Variants in CPNE3 observed in about 807,000 individuals in gnomAD.
CPNE3 encodes copine 3.
A neutral mutation model predicts 63.9 loss-of-function variants in CPNE3; 68 were observed. That is an observed-to-expected ratio of 1.06 (90% CI 0.87 to 1.30). CPNE3 has a LOEUF of 1.30. Ranked by LOEUF, CPNE3 falls within the 50% of genes most tolerant of loss-of-function variation. CPNE3 has a pLI of 0.00. For synonymous variants in CPNE3, 219 were observed against 197.5 expected, an observed-to-expected ratio of 1.11 and a Z score of -0.91; for missense variants, 665 against 578.1, an observed-to-expected ratio of 1.15 and a Z score of -1.54.
At chr8:86,548,688 C>T (rs1431977866) in intron 12 of CPNE3, among the ~76,000 whole-genome samples, 1 of 152,140 alleles carries the variant, frequency 6.6e-6, no homozygotes, top group East Asian at 1.9e-4. Flanking sequence ...TTGCTACTTA[C>T]TTCCTGACTG....
chr8:86,537,504 A>G (rs1820825323), intron 6 of CPNE3, 59 bp from the exon 7 acceptor site: 1 of 1,031,120 alleles, frequency 9.7e-7, no homozygotes. Context: ...GTATGGTCAC[A>G]CATGGTTTCA....
In CPNE3 at chr8:86,533,330, CTCAGAAGTTTGAGA is replaced by C. The variant is rs1820726036; in HGVS notation, c.459+751_459+764del. Among the ~76,000 whole-genome samples the C allele has an allele frequency of 8.5e-5, 13 of 152,100 alleles. No individual in the cohort carries two copies. The South Asian group carries it at 1.0e-3, about 12-fold the overall frequency. On this transcript the variant is annotated intron_variant, in intron 6 of 16. Transcript: ENST00000517490. ...GGCCGAGGTGGGGAGATCACTTGAG[CTCAGAAGTTTGAGA>C]CCAGCCTGGGCAACATGGCGAAACC...
At chr8:86,530,915 C>T (rs1820666956) in intron 4 of CPNE3, among the ~76,000 whole-genome samples, 1 of 152,048 alleles carries the variant, frequency 6.6e-6, no homozygotes, top group African/African-American at 2.4e-5. Flanking sequence ...TGGTCTTAAA[C>T]TCCTGACCTC....
At chr8:86,527,694 T>C (rs1404102541) in intron 2 of CPNE3, among the ~76,000 whole-genome samples, 1 of 151,984 alleles carries the variant, frequency 6.6e-6, no homozygotes, top group African/African-American at 2.4e-5. Context: ...GCAGCCAATA[T>C]TGAGAACCAC....
At chr8:86,531,438 C>T (rs1236442628) in intron 5 of CPNE3, among the ~76,000 whole-genome samples, 2 of 152,066 alleles carry the variant, frequency 1.3e-5, no homozygotes, top group East Asian at 3.9e-4. Flanking sequence ...TCCCTTCTTT[C>T]AGTTTTTCTA....
chr8:86,553,082 T>C (rs1468375929), intron 14 of CPNE3, among the ~76,000 whole-genome samples: 2 of 150,560 alleles, frequency 1.3e-5, no homozygotes, highest in Non-Finnish European at 3.0e-5. Flanking sequence ...CAGGCTGGTC[T>C]AGAACTGCTG....
chr8:86,517,397 G>A (rs1042949005), intron 2 of CPNE3, among the ~76,000 whole-genome samples: 3 of 152,086 alleles, frequency 2.0e-5, no homozygotes, highest in Non-Finnish European at 2.9e-5. Flanking sequence ...CAACTGTGTG[G>A]TTTTCTGGAC....
chr8:86,529,196 A>G, intron 4 of CPNE3, 72 bp downstream of exon 4: 1 of 1,329,118 alleles, frequency 7.5e-7, no homozygotes, highest in Non-Finnish European at 1.0e-6. Context: ...GTTTTTGGTA[A>G]GCAGCATTTA....
intron 2 of CPNE3, among the ~76,000 whole-genome samples, chr8:86,519,847 G>A (rs1176519707): frequency 1.3e-5 from 2 of 152,158 alleles, no homozygotes; most frequent in African/African-American, 4.8e-5. Context: ...CCATGTAGCT[G>A]GGATTACAGG....
intron 16 of CPNE3, 119 bp from the exon 17 acceptor site, chr8:86,558,169 C>T: frequency 2.7e-6 from 2 of 730,792 alleles, no homozygotes; most frequent in East Asian, 2.5e-5. Flanking sequence ...AGAAAAGGTA[C>T]AGGCCTATGA....
At chr8:86,515,306 C>T (rs538404236) in intron 1 of CPNE3, 156 bp from the exon 2 acceptor site, 2 of 152,246 alleles carry the variant, frequency 1.3e-5, no homozygotes, top group African/African-American at 4.8e-5. Context: ...GAGGCCACCT[C>T]TATAATGGAT....
intron 10 of CPNE3, among the ~76,000 whole-genome samples, chr8:86,547,062 G>A (rs1821069612): frequency 6.6e-6 from 1 of 152,176 alleles, no homozygotes; most frequent in Non-Finnish European, 1.5e-5. Flanking sequence ...TCTCCTGTTA[G>A]TATGTTTATA....
chr8:86,523,158 A>G (rs1586827982), intron 2 of CPNE3, among the ~76,000 whole-genome samples: 1 of 152,358 alleles, frequency 6.6e-6, no homozygotes, highest in East Asian at 1.9e-4. Context: ...AGCATGCTAC[A>G]GACCTACAGT....
At chr8:86,531,127 ACT>A (rs780630674) in intron 4 of CPNE3, 26 bp from the exon 5 acceptor site, 10 of 921,126 alleles carry the variant, frequency 1.1e-5, no homozygotes, top group Non-Finnish European at 1.8e-5. Flanking sequence ...AAGGGAAATG[ACT>A]CTGTATCACT....
intron 7 of CPNE3, 144 bp from the exon 8 acceptor site, chr8:86,540,101 G>T: frequency 1.6e-6 from 1 of 610,114 alleles, no homozygotes; most frequent in Non-Finnish European, 3.0e-6. Context: ...ATTGTTCTAG[G>T]TAGTTTTTTT....
At chr8:86,520,265 C>A (rs562061524) in intron 2 of CPNE3, among the ~76,000 whole-genome samples, 3 of 152,246 alleles carry the variant, frequency 2.0e-5, no homozygotes, top group African/African-American at 7.2e-5. Context: ...CAGCTGAAGG[C>A]TGGGCGCAGT....
chr8:86,551,033 T>C lies in CPNE3; in HGVS notation c.1014-13T>C, dbSNP rs763100781. 4.5e-6 allele frequency: 7 copies of C among 1,557,516 alleles called. No homozygotes were observed. The highest frequency in any genetic ancestry group is 2.8e-5 in the African/African-American group (2 of 72,518). ...AAAAAACAGTATTTTATTAAATATT[T>C]TTTTCTTTTTAGTGATAAGATGTTT... On this transcript the variant is annotated splice_polypyrimidine_tract_variant and intron_variant, in intron 12 of 16. Transcript: ENST00000517490.
chr8:86,522,390 C>T (rs1820453126), intron 2 of CPNE3, among the ~76,000 whole-genome samples: 1 of 152,022 alleles, frequency 6.6e-6, no homozygotes, highest in South Asian at 2.1e-4. Context: ...TTATAATGAG[C>T]TACAAGCGCT....
intron 15 of CPNE3, 66 bp downstream of exon 15, chr8:86,555,050 CTA>C: frequency 5.6e-6 from 9 of 1,600,330 alleles, no homozygotes; most frequent in Non-Finnish European, 7.7e-6. Flanking sequence ...TGCCATTTTT[CTA>C]TGTTTTTGGT....
Sources: allele counts gnomAD v4.1 joint callset (sites outside exome capture counted in the v4.1 genomes callset), GRCh38; gene constraint gnomAD v4.1.1; transcripts MANE v1.5; gene names NCBI Gene and HGNC (gene_info 2026-07-23, HGNC 2026-07-21).